KCNJ16: variants seen among roughly 807,000 people sequenced by gnomAD.
KCNJ16 encodes the protein potassium inwardly rectifying channel subfamily J member 16.
KCNJ16 carries 15 observed loss-of-function variants against 18.5 expected under a neutral mutation model. The observed-to-expected ratio is 0.81, with a 90% CI of 0.54 to 1.25. The LOEUF (loss-of-function observed/expected upper bound fraction) is 1.25, where lower values mean the gene tolerates loss of function less well. Among genes scored for constraint, KCNJ16 ranks in the 50% most tolerant of loss-of-function variants. The pLI is 0.00. For missense variants in KCNJ16, 523 were observed against 525.7 expected, an observed-to-expected ratio of 0.99 and a Z score of 0.05; for synonymous variants, 174 against 186.5, an observed-to-expected ratio of 0.93 and a Z score of 0.55.
At chr17:70,129,044 C>T (rs1021022489) in intron 2 of KCNJ16, among the ~76,000 whole-genome samples, 1 of 152,214 alleles carries the variant, frequency 6.6e-6, no homozygotes, top group Admixed American at 6.5e-5. Flanking sequence ...CTGACGCAGG[C>T]TGCTGACTCA....
At chr17:70,129,937 TA>T (rs2074000283) in intron 2 of KCNJ16, among the ~76,000 whole-genome samples, 1 of 143,292 alleles carries the variant, frequency 7.0e-6, no homozygotes, top group Non-Finnish European at 1.5e-5. Context: ...TTTATTTATT[TA>T]TTTATTTATT....
intron 1 of KCNJ16, among the ~76,000 whole-genome samples, chr17:70,097,686 A>G (rs916238536): frequency 2.0e-5 from 3 of 152,158 alleles, no homozygotes; most frequent in Admixed American, 6.5e-5. Flanking sequence ...CCCCTATTTA[A>G]CAGGGAAAAT....
At chr17:70,081,730 G>A (rs1244548904) in intron 1 of KCNJ16, among the ~76,000 whole-genome samples, 8 of 152,246 alleles carry the variant, frequency 5.3e-5, no homozygotes, top group African/African-American at 1.2e-4. Flanking sequence ...GGTATAGAGC[G>A]AGCAGAGTTA....
intron 2 of KCNJ16, among the ~76,000 whole-genome samples, chr17:70,110,115 T>G (rs2073121673): frequency 6.6e-6 from 1 of 152,158 alleles, no homozygotes; most frequent in Non-Finnish European, 1.5e-5. Flanking sequence ...TCTCAGGCAT[T>G]CTTTTATCTC....
In KCNJ16 at chr17:70,075,389, A is replaced by AG. The variant is rs1277109019; in HGVS notation, c.-300+1dup. ...GATTCTCTGTGGGGAGAGTGAATAA[A>AG]GGTAAGTGCTATTATTGCTATGGAT... On this transcript the variant is annotated splice_region_variant and 5_prime_UTR_variant, in exon 1 of 4. Coordinates refer to ENST00000392671, the MANE Select transcript of KCNJ16 (RefSeq NM_170741.4). The AG allele has an allele frequency of 6.6e-6, 1 of 152,216 alleles. No homozygotes were observed. Among genetic ancestry groups the AG allele is most frequent in the African/African-American group, 2.4e-5 (1 of 41,456 alleles). 9.4% of individuals were successfully genotyped at this position (152,216 alleles called of 1,614,324 possible). A position where few individuals can be genotyped will look rare whatever the true frequency, so the allele number is the denominator to read the frequency against.
At chr17:70,082,621 C>T (rs886409165) in intron 1 of KCNJ16, among the ~76,000 whole-genome samples, 4 of 152,176 alleles carry the variant, frequency 2.6e-5, no homozygotes, top group Non-Finnish European at 5.9e-5. Flanking sequence ...AAAAACATGA[C>T]AATTGCTTGT....
intron 2 of KCNJ16, chr17:70,128,039 T>G (rs947554019): frequency 6.6e-6 from 1 of 152,196 alleles, no homozygotes; most frequent in African/African-American, 2.4e-5. Flanking sequence ...TGAGCTTACC[T>G]TTGAAGAGCA....
intron 2 of KCNJ16, among the ~76,000 whole-genome samples, chr17:70,125,678 C>G (rs1281195852): frequency 6.6e-6 from 1 of 152,150 alleles, no homozygotes; most frequent in Non-Finnish European, 1.5e-5. Flanking sequence ...CGCCTGTAAT[C>G]CCAGCACTTT....
chr17:70,135,006 C>G lies in KCNJ16; in HGVS notation c.*1662C>G, dbSNP rs1449063777. Reference sequence around the variant, plus strand: ...CATCCTTCCCTTTCTCCTTCTTTTCCCTTTTTTTTTTTTTTTTGACCTGGG... The same window carrying G: ...CATCCTTCCCTTTCTCCTTCTTTTCGCTTTTTTTTTTTTTTTTGACCTGGG... On this transcript the variant is annotated 3_prime_UTR_variant, in exon 4 of 4. Transcript: ENST00000392671. 3 of 123,208 alleles carry G rather than the reference C, an allele frequency of 2.4e-5. No homozygotes were observed. Among genetic ancestry groups the G allele is most frequent in the African/African-American group, 7.8e-5 (2 of 25,606 alleles). 7.6% of individuals were successfully genotyped at this position (123,208 alleles called of 1,614,324 possible).
At chr17:70,088,902 T>C (rs2071960191) in intron 1 of KCNJ16, among the ~76,000 whole-genome samples, 1 of 152,124 alleles carries the variant, frequency 6.6e-6, no homozygotes, top group African/African-American at 2.4e-5. Flanking sequence ...GGCTTGGTAA[T>C]ATAAAAGTCC....
At chr17:70,113,860 A>ATT (rs2073292226) in intron 2 of KCNJ16, among the ~76,000 whole-genome samples, 1 of 152,104 alleles carries the variant, frequency 6.6e-6, no homozygotes, top group Non-Finnish European at 1.5e-5. Context: ...GAAATTCAAG[A>ATT]TTCTATCAAA....
intron 1 of KCNJ16, among the ~76,000 whole-genome samples, chr17:70,088,755 G>A (rs1333005672): frequency 6.6e-6 from 1 of 151,726 alleles, no homozygotes; most frequent in Non-Finnish European, 1.5e-5. Flanking sequence ...TTCTAACTAG[G>A]AAACTTAGGA....
intron 2 of KCNJ16, among the ~76,000 whole-genome samples, chr17:70,123,516 G>C (rs1005599182): frequency 6.6e-4 from 101 of 152,302 alleles, no homozygotes; most frequent in African/African-American, 2.4e-3. Flanking sequence ...AGAGGAGAGA[G>C]ATTTATTGAA....
At chr17:70,120,371 T>G (rs1370198339) in intron 2 of KCNJ16, among the ~76,000 whole-genome samples, 3 of 152,210 alleles carry the variant, frequency 2.0e-5, no homozygotes, top group Admixed American at 2.0e-4. Context: ...CAAAGCCACT[T>G]TCGCATTTTC....
At chr17:70,111,334 G>A (rs2073176071) in intron 2 of KCNJ16, among the ~76,000 whole-genome samples, 1 of 152,108 alleles carries the variant, frequency 6.6e-6, no homozygotes, top group South Asian at 2.1e-4. Context: ...ACACAGCACT[G>A]AGCCCCAAAA....
intron 2 of KCNJ16, among the ~76,000 whole-genome samples, chr17:70,105,545 T>C (rs1258829108): frequency 6.6e-6 from 1 of 152,188 alleles, no homozygotes; most frequent in African/African-American, 2.4e-5. Flanking sequence ...ATAAAATACG[T>C]TGACATCAAT....
chr17:70,132,649 G>T lies in KCNJ16; in HGVS notation c.562G>T (p.Ala188Ser), dbSNP rs1330185018. ...RAQTIRFSYF[A>S]LIGMRDGKLC... is the part of the protein sequence containing the mutation. ...CCAAACCATTCGTTTCAGCTACTTT[G>T]CACTTATAGGTATGAGAGATGGGAA... Residue 188 changes from alanine to serine, a missense_variant, in exon 4 of 4, where the codon GCA (alanine) becomes TCA (serine). Coordinates refer to ENST00000392671, the MANE Select transcript of KCNJ16 (RefSeq NM_170741.4). 2 of 1,614,196 alleles carry T rather than the reference G, an allele frequency of 1.2e-6. No homozygotes were observed. Among genetic ancestry groups the T allele is most frequent in the East Asian group, 2.2e-5 (1 of 44,886 alleles).
chr17:70,132,752 G>T lies in KCNJ16; in HGVS notation c.665G>T (p.Arg222Leu). 6.2e-7 allele frequency: 1 copy of T among 1,614,008 alleles called. No individual in the cohort carries two copies. The highest frequency in any genetic ancestry group is 1.7e-5 in the Admixed American group (1 of 60,012). ...GGAACAGTTAGAGCCCAACTTCTCC[G>T]CTATACAGAAGACAGTGAAGGGAGG... The part of the protein sequence containing the change: ...VEGTVRAQLL[R>L]YTEDSEGRMT... The change falls in exon 4 of 4, where the codon CGC becomes CTC. Residue 222 changes from arginine (R) to leucine (L), a missense_variant. Coordinates refer to ENST00000392671, the MANE Select transcript of KCNJ16 (RefSeq NM_170741.4).
In KCNJ16 at chr17:70,133,300, G is replaced by A; in HGVS notation, c.1213G>A (p.Ala405Thr). 6.2e-7 allele frequency: 1 copy of A among 1,614,046 alleles called. No individual in the cohort carries two copies. The highest frequency in any genetic ancestry group is 8.5e-7 in the Non-Finnish European group (1 of 1,179,936). The change falls in exon 4 of 4, where the codon GCT becomes ACT. Residue 405 changes from alanine (A) to threonine (T), a missense_variant. Transcript: ENST00000392671. ...ATATAGGGAAACACCTTATCAGAAA[G>A]CTCTCCTGACTTTAAACAGAATCTC... is the stretch of plus-strand genomic sequence containing the variant. The part of the protein sequence containing the change: ...HEYRETPYQK[A>T]LLTLNRISVE...
Sources: gnomAD v4.1 joint callset for allele counts (sites outside exome capture counted in the v4.1 genomes callset) on GRCh38, gnomAD v4.1.1 for gene constraint, MANE v1.5 for transcripts, NCBI Gene and HGNC (gene_info 2026-07-23, HGNC 2026-07-21) for gene names.